WNK3: variants seen among roughly 807,000 people sequenced by gnomAD.
WNK3 encodes the protein WNK lysine deficient protein kinase 3.
WNK3 carries 18 observed loss-of-function variants against 116.7 expected under a neutral mutation model. That is an observed-to-expected ratio of 0.15 (90% CI 0.11 to 0.23). WNK3 has a LOEUF of 0.23. WNK3 is among the 10% of genes least tolerant of loss of function. The pLI, the probability that WNK3 is intolerant of heterozygous loss-of-function variation, is 1.00. For synonymous variants in WNK3, 404 were observed against 469.4 expected (o/e 0.86, Z 1.80); for missense variants, 993 against 1,323.8 (o/e 0.75, Z 3.88).
chrX:54,314,052 G>A (rs1439431637), intron 2 of WNK3, among the ~76,000 whole-genome samples: 1 of 108,639 alleles, frequency 9.2e-6, no homozygotes, highest in Non-Finnish European at 1.9e-5. Flanking sequence ...AATTAGCCAG[G>A]TGTGGTGGCA....
At chrX:54,283,442 T>C (rs940250637) in intron 10 of WNK3, among the ~76,000 whole-genome samples, 4 of 110,354 alleles carry the variant, frequency 3.6e-5, no homozygotes, top group Non-Finnish European at 7.6e-5. Context: ...CACAATGAGA[T>C]ACCACATCAC....
intron 22 of WNK3, among the ~76,000 whole-genome samples, chrX:54,216,689 G>T (rs782617697): frequency 1.8e-4 from 20 of 111,348 alleles, no homozygotes; most frequent in Non-Finnish European, 3.4e-4. Context: ...AGGCAAGCAG[G>T]AAGTAAATCA....
intron 22 of WNK3, among the ~76,000 whole-genome samples, chrX:54,211,452 A>T (rs2067612266): frequency 9.3e-6 from 1 of 107,850 alleles, no homozygotes; most frequent in South Asian, 4.1e-4. Flanking sequence ...AAAAAAAAAA[A>T]AAAAAACTCC....
rs372434114 is a variant in WNK3 at position 54,300,760 on chromosome X, C to T, written c.1178+1011G>A. ...AAGCTCCTATCTCAACAACAAAAAA[C>T]CAAACAAGCCAATTAAAAATGGGCA... On this transcript the variant is annotated intron_variant, in intron 6 of 23. Transcript: ENST00000354646. Among the ~76,000 whole-genome samples, 11 of 111,853 alleles carry T rather than the reference C, an allele frequency of 9.8e-5. No homozygotes were observed. The East Asian group carries it at 1.7e-3, about 17-fold the overall frequency.
rs1321367633 is a variant in WNK3, at chrX:54,298,239, T to C, written c.1334A>G (p.Asn445Ser). The change falls in exon 7 of 24, where the codon AAT becomes AGT. Residue 445 changes from asparagine (N) to serine (S), a missense_variant. This residue lies in a region of WNK3 where 37 missense variants were observed against 86.9 expected (regional missense o/e 0.43). Coordinates refer to ENST00000354646, the Ensembl canonical transcript of WNK3. ...GTTGAAACTAAATTCAATAGCTTCA[T>C]TGTCTTTGTGTTTGCCTTTCAATTT... The C allele has an allele frequency of 1.7e-6, 2 of 1,208,605 alleles. No homozygotes were observed. The highest frequency in any genetic ancestry group is 2.2e-6 in the Non-Finnish European group (2 of 894,164).
intron 1 of WNK3, among the ~76,000 whole-genome samples, chrX:54,352,767 T>C (rs1557178712): frequency 8.9e-6 from 1 of 111,752 alleles, no homozygotes; most frequent in Non-Finnish European, 1.9e-5. Context: ...AAACAAAAAC[T>C]TGTATACAAA....
chrX:54,255,626 G>T, intron 12 of WNK3, 114 bp downstream of exon 12: 2 of 612,056 alleles, frequency 3.3e-6, no homozygotes, highest in Non-Finnish European at 4.7e-6. Flanking sequence ...CGGAGAAAAG[G>T]TTAGTTTAGA....
chrX:54,277,094 T>C (rs2068458100), intron 10 of WNK3, among the ~76,000 whole-genome samples: 1 of 110,971 alleles, frequency 9.0e-6, no homozygotes, highest in African/African-American at 3.3e-5. Context: ...AGAGCATCTA[T>C]AAAAAATCTG....
chrX:54,226,469 C>CAAAAAA (rs782422874), intron 22 of WNK3, among the ~76,000 whole-genome samples: 1 of 19,852 alleles, frequency 5.0e-5, no homozygotes, highest in Non-Finnish European at 9.9e-5. Context: ...GACTCTGTCT[C>CAAAAAA]AAAAAAAAAA....
At chrX:54,228,177 C>T (rs191405350) in intron 22 of WNK3, among the ~76,000 whole-genome samples, 2 of 111,812 alleles carry the variant, frequency 1.8e-5, no homozygotes, top group Non-Finnish European at 3.8e-5. Context: ...ACAAAAAATA[C>T]TTTAGTGATT....
intron 19 of WNK3, 94 bp downstream of exon 19, chrX:54,238,248 C>A: frequency 2.0e-6 from 2 of 1,024,326 alleles, no homozygotes; most frequent in Non-Finnish European, 2.6e-6. Context: ...AAAATAAAAA[C>A]AAAAATGGAA....
At chrX:54,350,161 G>A (rs1398994086) in intron 1 of WNK3, among the ~76,000 whole-genome samples, 1 of 111,769 alleles carries the variant, frequency 8.9e-6, no homozygotes, top group Non-Finnish European at 1.9e-5. Context: ...TGTAATCCCA[G>A]CACTTTGGGA....
chrX:54,334,973 A>T (rs1265699642), intron 1 of WNK3, among the ~76,000 whole-genome samples: 1 of 111,377 alleles, frequency 9.0e-6, no homozygotes, highest in Non-Finnish European at 1.9e-5. Context: ...TAAAAATAAC[A>T]CTGTAGGCTG....
intron 10 of WNK3, among the ~76,000 whole-genome samples, chrX:54,282,363 T>C (rs1557162706): frequency 9.0e-6 from 1 of 111,074 alleles, no homozygotes; most frequent in East Asian, 2.8e-4. Flanking sequence ...TTTTCCATAA[T>C]GGCTACACCA....
chrX:54,357,487 G>C (rs990111452), intron 1 of WNK3, among the ~76,000 whole-genome samples, 199 bp downstream of exon 1: 1 of 111,215 alleles, frequency 9.0e-6, no homozygotes, highest in East Asian at 2.9e-4. Context: ...GCCCGGCCTC[G>C]TCCGGTACCG....
At chrX:54,351,523 C>T (rs781927188) in intron 1 of WNK3, among the ~76,000 whole-genome samples, 9 of 111,428 alleles carry the variant, frequency 8.1e-5, no homozygotes, top group African/African-American at 2.6e-4. Flanking sequence ...GTAATCCCAA[C>T]ACTTTGGGAG....
chrX:54,338,322 T>C (rs782217372), intron 1 of WNK3, among the ~76,000 whole-genome samples: 1 of 110,216 alleles, frequency 9.1e-6, no homozygotes, highest in South Asian at 3.9e-4. Context: ...CTTGGGAGGC[T>C]GAAGCTCAAG....
At chrX:54,350,581 T>C (rs1308266757) in intron 1 of WNK3, among the ~76,000 whole-genome samples, 1 of 111,415 alleles carries the variant, frequency 9.0e-6, no homozygotes, top group Non-Finnish European at 1.9e-5. Flanking sequence ...GTATAAGAAA[T>C]TTGGTATTCC....
chrX:54,237,335 C>T (rs782155575), exon 20 of WNK3: 1 of 1,209,477 alleles, frequency 8.3e-7, no homozygotes, highest in Admixed American at 2.2e-5. Flanking sequence ...TTGGGAACTC[C>T]TTTATTTTCT....
Sources: allele counts gnomAD v4.1 joint callset (sites outside exome capture counted in the v4.1 genomes callset), GRCh38; gene constraint gnomAD v4.1.1; regional missense constraint gnomAD v4.1.1; transcripts MANE v1.5; gene names NCBI Gene and HGNC (gene_info 2026-07-23, HGNC 2026-07-21).